Variants in AKAP13 observed in about 807,000 individuals in gnomAD.
AKAP13 encodes A-kinase anchoring protein 13, also known as A-kinase anchor protein 13.
Under a neutral mutation model 264.5 loss-of-function variants are expected in AKAP13, and 80 were observed. That is an observed-to-expected ratio of 0.30 (90% CI 0.25 to 0.36). AKAP13 has a LOEUF of 0.36. AKAP13 is among the 10% of genes least tolerant of loss of function. The pLI, the probability that AKAP13 is intolerant of heterozygous loss-of-function variation, is 1.00. For synonymous variants in AKAP13, 1,380 were observed against 1,250.2 expected, an observed-to-expected ratio of 1.10 and a Z score of -2.19; for missense variants, 3,712 against 3,435.2, an observed-to-expected ratio of 1.08 and a Z score of -2.01.
Position 85,438,984 on chromosome 15 carries a change from A to G in AKAP13, c.-11-46726A>G, listed in dbSNP as rs1319941126. 1.0e-4 allele frequency among the ~76,000 whole-genome samples: 15 copies of G among 145,480 alleles called. No homozygotes were observed. The East Asian group carries it at 2.9e-3, about 28-fold the overall frequency. On this transcript the variant is annotated intron_variant, in intron 1 of 36. Transcript: ENST00000394518. ...TTGACAAATGGGATCTAATTAAACT[A>G]AAGAGCTTCTGCACAGCAAAAGAAA...
At position 85,684,758 on chromosome 15, in the gene AKAP13, A is replaced by G; in HGVS notation, c.5174A>G (p.Tyr1725Cys). ...TTATTTAGTATAACAGAAGAGAACTATAATTTCCTGCCACATAGCCCCTCC... is the reference window on the plus strand; with the variant it reads ...TTATTTAGTATAACAGAAGAGAACTGTAATTTCCTGCCACATAGCCCCTCC... Reference protein sequence around the residue: ...NLTESITEENYNFLPHSPSKK... With the variant: ...NLTESITEENCNFLPHSPSKK... The change falls in exon 16 of 37, where the codon TAT becomes TGT. Residue 1725 changes from tyrosine to cysteine, a missense_variant. By Grantham distance (194) the Tyr-to-Cys change is radical. Around this residue, in one of 3 missense-constraint regions of AKAP13, gnomAD observed 2,759 missense variants for 2,411.7 expected, o/e 1.14. Coordinates refer to ENST00000394518, the MANE Select transcript of AKAP13 (RefSeq NM_007200.5). 1 of 1,612,998 alleles carries G rather than the reference A, an allele frequency of 6.2e-7. No homozygotes were observed. The highest frequency in any genetic ancestry group is 8.5e-7 in the Non-Finnish European group (1 of 1,179,832).
At chr15:85,484,851 T>C (rs948279402) in intron 1 of AKAP13, among the ~76,000 whole-genome samples, 3 of 152,240 alleles carry the variant, frequency 2.0e-5, no homozygotes, top group Non-Finnish European at 4.4e-5. Flanking sequence ...AATGACACTT[T>C]ATACTGTTAT....
In AKAP13 at chr15:85,655,760, C is replaced by T; in HGVS notation, c.4718C>T (p.Ala1573Val). 1 of 1,610,932 alleles carries T rather than the reference C, an allele frequency of 6.2e-7. No homozygotes were observed. The highest frequency in any genetic ancestry group is 8.5e-7 in the Non-Finnish European group (1 of 1,177,424). The part of the protein sequence containing the change: ...RHSWGPGKNA[A>V]SDAEMNHRSS... ...AGCTGGGGGCCTGGGAAAAATGCAG[C>T]CAGCGATGCAGAAATGAACCACCGG... is the stretch of plus-strand genomic sequence containing the variant. Residue 1573 changes from alanine (A) to valine (V), a missense_variant, in exon 11 of 37, where the codon GCC becomes GTC. By Grantham distance (64) the Ala-to-Val change is moderately conservative. Around this residue, in one of 3 missense-constraint regions of AKAP13, gnomAD observed 2,759 missense variants for 2,411.7 expected, o/e 1.14. Transcript: ENST00000394518.
At chr15:85,740,775 A>AACCC (rs2088908529) in intron 34 of AKAP13, among the ~76,000 whole-genome samples, 2 of 67,388 alleles carry the variant, frequency 3.0e-5, no homozygotes, top group Non-Finnish European at 5.3e-5. Context: ...ACACACAACC[A>AACCC]CCCCCCCCCC....
intron 8 of AKAP13, 65 bp downstream of exon 8, chr15:85,585,888 T>A: frequency 6.3e-7 from 1 of 1,579,828 alleles, no homozygotes; most frequent in Non-Finnish European, 8.6e-7. Flanking sequence ...TGTGTCTTAT[T>A]TATGGCTTTG....
chr15:85,669,696 G>T (rs755503659), intron 13 of AKAP13, 26 bp from the exon 14 acceptor site: 3 of 1,494,874 alleles, frequency 2.0e-6, no homozygotes, highest in African/African-American at 1.4e-5. Flanking sequence ...TGCTTACAAC[G>T]TGTTCTTCAC....
intron 10 of AKAP13, among the ~76,000 whole-genome samples, chr15:85,647,441 C>A (rs192388381): frequency 2.0e-5 from 3 of 151,076 alleles, no homozygotes; most frequent in African/African-American, 7.3e-5. Context: ...AGAAAAGAGA[C>A]CTAAAGATTT....
intron 2 of AKAP13, among the ~76,000 whole-genome samples, chr15:85,517,409 A>C (rs1370352035): frequency 6.6e-6 from 1 of 152,036 alleles, no homozygotes. Flanking sequence ...TCAGACCACT[A>C]GTATCTTGGG....
intron 17 of AKAP13, among the ~76,000 whole-genome samples, chr15:85,704,430 A>G (rs1292611398): frequency 6.6e-6 from 1 of 152,222 alleles, no homozygotes; most frequent in Non-Finnish European, 1.5e-5. Context: ...ACCATTCGCC[A>G]AAGATCTGTG....
At chr15:85,549,547 G>T (rs1467663539) in intron 5 of AKAP13, among the ~76,000 whole-genome samples, 2 of 152,138 alleles carry the variant, frequency 1.3e-5, no homozygotes, top group Non-Finnish European at 1.5e-5. Flanking sequence ...TATCAACCTC[G>T]TGAAATAGGC....
At chr15:85,587,490 T>C (rs1222892531) in intron 8 of AKAP13, among the ~76,000 whole-genome samples, 1 of 152,258 alleles carries the variant, frequency 6.6e-6, no homozygotes, top group Non-Finnish European at 1.5e-5. Context: ...ATAATGCTGT[T>C]ATGTACATTT....
intron 19 of AKAP13, among the ~76,000 whole-genome samples, chr15:85,712,127 C>T (rs1485733681): frequency 1.3e-5 from 2 of 152,184 alleles, no homozygotes; most frequent in Admixed American, 6.5e-5. Flanking sequence ...AGCCACCGCA[C>T]CCAGCCTGGT....
At chr15:85,598,943 G>A (rs1044744767) in intron 8 of AKAP13, among the ~76,000 whole-genome samples, 2 of 152,122 alleles carry the variant, frequency 1.3e-5, no homozygotes, top group Non-Finnish European at 2.9e-5. Context: ...AAAGTGATGC[G>A]TGTATCATGA....
At chr15:85,729,117 G>A (rs2087802195) in intron 29 of AKAP13, among the ~76,000 whole-genome samples, 1 of 152,060 alleles carries the variant, frequency 6.6e-6, no homozygotes, top group South Asian at 2.1e-4. Flanking sequence ...TGACCAACAT[G>A]GTGAAACCCC....
intron 17 of AKAP13, among the ~76,000 whole-genome samples, chr15:85,694,746 TC>T (rs2085476830): frequency 6.6e-6 from 1 of 152,152 alleles, no homozygotes; most frequent in Non-Finnish European, 1.5e-5. Context: ...AGTCTGGAGT[TC>T]CAGCCAGTCC....
chr15:85,453,061 G>A (rs377460177), intron 1 of AKAP13, among the ~76,000 whole-genome samples: 6 of 152,320 alleles, frequency 3.9e-5, no homozygotes, highest in East Asian at 1.9e-4. Flanking sequence ...GTGATGAGCC[G>A]TCAGAGGTGT....
chr15:85,713,334 A>G (rs963338429), intron 19 of AKAP13, among the ~76,000 whole-genome samples: 1 of 152,134 alleles, frequency 6.6e-6, no homozygotes, highest in Non-Finnish European at 1.5e-5. Context: ...TTTTACATTA[A>G]TACTACATAA....
chr15:85,593,400 A>AT lies in AKAP13; in HGVS notation c.4161+7587dup, dbSNP rs199983201. ...TGGACCAAAAGGACAATCATGAGGG[A>AT]TTTTTTTTTTCTTTTTTAAATTTGA... On this transcript the variant is annotated intron_variant, in intron 8 of 36. Transcript: ENST00000394518. Among the ~76,000 whole-genome samples the AT allele has an allele frequency of 3.6e-3, 534 of 150,202 alleles. 13 individuals are homozygous for AT. The East Asian group carries it at 0.044, about 12-fold the overall frequency.
At chr15:85,601,479 C>T (rs1368442344) in intron 8 of AKAP13, among the ~76,000 whole-genome samples, 1 of 152,074 alleles carries the variant, frequency 6.6e-6, no homozygotes, top group Admixed American at 6.5e-5. Flanking sequence ...AGAAAGCTCT[C>T]ACCCAAGATT....
Sources: gnomAD v4.1 joint callset for allele counts (sites outside exome capture counted in the v4.1 genomes callset) on GRCh38, gnomAD v4.1.1 for gene constraint, gnomAD v4.1.1 regional missense constraint, MANE v1.5 for transcripts, NCBI Gene and HGNC (gene_info 2026-07-23, HGNC 2026-07-21) for gene names.